Variants in BAZ2B observed in about 807,000 individuals in gnomAD.
The protein encoded by BAZ2B is bromodomain adjacent to zinc finger domain protein 2B.
BAZ2B carries 91 observed loss-of-function variants against 246.0 expected under a neutral mutation model. The ratio of observed to expected loss-of-function variants is 0.37; its 90% CI spans 0.31 to 0.44. BAZ2B has a LOEUF of 0.44. BAZ2B is among the 20% of genes least tolerant of loss of function. The pLI is 1.00. For synonymous variants in BAZ2B, 855 were observed against 860.0 expected (o/e 0.99, Z 0.10); for missense variants, 2,332 against 2,533.7 (o/e 0.92, Z 1.71).
At chr2:159,662,258 T>G in the BAZ2B span, among the ~76,000 whole-genome samples, 1 of 152,226 alleles carries the variant, frequency 6.6e-6, no homozygotes, top group African/African-American at 2.4e-5. Context: ...ATTTAGTTCT[T>G]TCCACCTTTT....
the BAZ2B span, among the ~76,000 whole-genome samples, chr2:159,625,858 C>T: frequency 6.6e-6 from 1 of 152,152 alleles, no homozygotes; most frequent in African/African-American, 2.4e-5. Context: ...CTAAATACCC[C>T]AACTAAAAGA....
chr2:159,409,716 T>C (rs1292247052), intron 14 of BAZ2B, among the ~76,000 whole-genome samples: 1 of 152,208 alleles, frequency 6.6e-6, no homozygotes, highest in Non-Finnish European at 1.5e-5. Flanking sequence ...GTTTCATTTT[T>C]ACTTTCTTTT....
chr2:159,685,044 C>T, the BAZ2B span, among the ~76,000 whole-genome samples: 1 of 152,110 alleles, frequency 6.6e-6, no homozygotes, highest in Non-Finnish European at 1.5e-5. Flanking sequence ...TTCCTTTATG[C>T]CCCTGCTATG....
chr2:159,431,956 A>T (rs1268556228), intron 9 of BAZ2B, among the ~76,000 whole-genome samples: 1 of 152,160 alleles, frequency 6.6e-6, no homozygotes, highest in Non-Finnish European at 1.5e-5. Context: ...GATATTTATG[A>T]TCTATCATAC....
the BAZ2B span, among the ~76,000 whole-genome samples, chr2:159,628,103 A>C: frequency 6.6e-6 from 1 of 152,202 alleles, no homozygotes; most frequent in Non-Finnish European, 1.5e-5. Context: ...CTAGGAATCC[A>C]ACTTACAAGG....
At chr2:159,498,815 C>T (rs1378865655) in intron 2 of BAZ2B, among the ~76,000 whole-genome samples, 1 of 152,242 alleles carries the variant, frequency 6.6e-6, no homozygotes, top group East Asian at 1.9e-4. Flanking sequence ...TTCTGAATTG[C>T]ATACACTTGT....
chr2:159,439,190 T>C lies in BAZ2B; in HGVS notation c.719A>G (p.Glu240Gly). 6.2e-7 allele frequency: 1 copy of C among 1,613,474 alleles called. No individual in the cohort carries two copies. Among genetic ancestry groups the C allele is most frequent in the Non-Finnish European group, 8.5e-7 (1 of 1,179,648 alleles). The change falls in exon 7 of 37, where the codon GAA becomes GGA. Residue 240 changes from glutamate to glycine, a missense_variant. Physicochemically the swap from Glu to Gly is moderately conservative, Grantham distance 98. This residue lies in a region of BAZ2B where 161 missense variants were observed against 225.8 expected (regional missense o/e 0.71). Coordinates refer to ENST00000392783, the MANE Select transcript of BAZ2B (RefSeq NM_013450.4). ...KDKKPRKKAM[E>G]SSSNSDSDSG... Reference sequence around the variant, plus strand: ...ATCACTATCACTGTTGCTAGAACTTTCCATTGCTTTCTTCCTTGGTTTCTG... The same window carrying C: ...ATCACTATCACTGTTGCTAGAACTTCCCATTGCTTTCTTCCTTGGTTTCTG...
the BAZ2B span, among the ~76,000 whole-genome samples, chr2:159,685,751 AAAAT>A: frequency 2.0e-5 from 3 of 152,224 alleles, no homozygotes; most frequent in Admixed American, 1.3e-4. Context: ...TGCAAAGAAT[AAAAT>A]AAATAAACAT....
chr2:159,426,316 C>T lies in BAZ2B; in HGVS notation c.2466+1625G>A, dbSNP rs150813631. The stretch of plus-strand genomic sequence containing the variant: ...ATGCTAAATAGCAATTAGCTTTCCT[C>T]TCCGAACAAAAATCTAGTGAACTTA... On this transcript the variant is annotated intron_variant, in intron 13 of 36. Transcript: ENST00000392783. 9.0e-3 allele frequency among the ~76,000 whole-genome samples: 1,367 copies of T among 152,240 alleles called. 13 individuals are homozygous for T. The highest frequency in any genetic ancestry group is 0.013 in the Non-Finnish European group (883 of 67,982).
intron 3 of BAZ2B, among the ~76,000 whole-genome samples, chr2:159,466,443 T>C (rs997226127): frequency 2.0e-5 from 3 of 152,182 alleles, no homozygotes; most frequent in Admixed American, 2.0e-4. Context: ...TACATATTGG[T>C]AAAACAGATA....
At chr2:159,331,937 T>C (rs989257623) in intron 34 of BAZ2B, among the ~76,000 whole-genome samples, 1 of 151,964 alleles carries the variant, frequency 6.6e-6, no homozygotes, top group Admixed American at 6.6e-5. Context: ...CCTGGTGAGA[T>C]CCAAGGATTG....
In BAZ2B at chr2:159,478,582, G is replaced by A. The variant is rs765669607; in HGVS notation, c.138C>T (p.Asn46=). ...TGVASLSSTI[N]PCGHLFRTAG... ...TTAAAAAAGGGTATTCACCACATGG[G>A]TTGATTGTAGAGCTAAGTGAAGCAA... The change falls in exon 3 of 37, where the codon AAC becomes AAT. Residue 46 remains asparagine (N), a synonymous_variant. Transcript: ENST00000392783. The A allele has an allele frequency of 3.3e-5, 53 of 1,605,712 alleles. No individual in the cohort carries two copies. Among genetic ancestry groups the A allele is most frequent in the Non-Finnish European group, 4.2e-5 (50 of 1,176,868 alleles).
intron 2 of BAZ2B, among the ~76,000 whole-genome samples, chr2:159,493,531 A>T (rs2080738128): frequency 6.6e-6 from 1 of 152,248 alleles, no homozygotes; most frequent in Non-Finnish European, 1.5e-5. Flanking sequence ...GATACAAATC[A>T]GCAGTTAGCT....
intron 2 of BAZ2B, among the ~76,000 whole-genome samples, chr2:159,533,300 G>C (rs181688863): frequency 6.6e-6 from 1 of 152,206 alleles, no homozygotes; most frequent in Admixed American, 6.5e-5. Flanking sequence ...AAGAAGAATA[G>C]AATACATTAA....
At chr2:159,381,536 A>G (rs2061993287) in intron 25 of BAZ2B, among the ~76,000 whole-genome samples, 1 of 152,050 alleles carries the variant, frequency 6.6e-6, no homozygotes, top group Admixed American at 6.6e-5. Context: ...TATTTATTAA[A>G]TCATTTCCTC....
chr2:159,693,206 C>T, the BAZ2B span: 2 of 151,474 alleles, frequency 1.3e-5, no homozygotes, highest in African/African-American at 4.9e-5. Flanking sequence ...TTTGTGCTGT[C>T]TTTAGGAATT....
At chr2:159,698,031 A>T in the BAZ2B span, among the ~76,000 whole-genome samples, 2 of 152,194 alleles carry the variant, frequency 1.3e-5, no homozygotes, top group South Asian at 2.1e-4. Flanking sequence ...AATACCTATT[A>T]TAAGAGAGAT....
chr2:159,605,744 A>C (rs1211635152), intron 1 of BAZ2B, among the ~76,000 whole-genome samples: 2 of 152,176 alleles, frequency 1.3e-5, no homozygotes, highest in Non-Finnish European at 2.9e-5. Context: ...AATAATAAAA[A>C]TTTAAAAACA....
the BAZ2B span, among the ~76,000 whole-genome samples, chr2:159,627,920 C>T: frequency 6.6e-6 from 1 of 152,132 alleles, no homozygotes; most frequent in Non-Finnish European, 1.5e-5. Context: ...TTAGAAAACC[C>T]CATTGTCTCA....
Sources: allele counts gnomAD v4.1 joint callset (sites outside exome capture counted in the v4.1 genomes callset), GRCh38; gene constraint gnomAD v4.1.1; regional missense constraint gnomAD v4.1.1; transcripts MANE v1.5; gene names NCBI Gene and HGNC (gene_info 2026-07-23, HGNC 2026-07-21).